ARAP2: variants seen among roughly 807,000 people sequenced by gnomAD.
ARAP2 encodes ArfGAP with RhoGAP domain, ankyrin repeat and PH domain 2.
ARAP2 carries 148 observed loss-of-function variants against 194.5 expected under a neutral mutation model. The ratio of observed to expected loss-of-function variants is 0.76; its 90% CI spans 0.67 to 0.87. The LOEUF (loss-of-function observed/expected upper bound fraction) is 0.87. Among genes scored for constraint, ARAP2 ranks in the 40% least tolerant of loss-of-function variants. ARAP2 has a pLI of 0.00. For missense variants in ARAP2, 2,128 were observed against 1,989.7 expected (o/e 1.07, Z -1.32); for synonymous variants, 695 against 683.5 (o/e 1.02, Z -0.26).
chr4:36,044,492 A>G (rs1721478604), intron 5 of ARAP2, among the ~76,000 whole-genome samples: 1 of 152,172 alleles, frequency 6.6e-6, no homozygotes, highest in Non-Finnish European at 1.5e-5. Flanking sequence ...TGCTGGTGAT[A>G]ATTGGCTATT....
intron 3 of ARAP2, among the ~76,000 whole-genome samples, chr4:36,051,249 C>T (rs1052063635): frequency 4.6e-5 from 7 of 152,082 alleles, no homozygotes; most frequent in Non-Finnish European, 7.4e-5. Context: ...AGCCTCTAAT[C>T]CCAGCACTTT....
At chr4:36,200,017 A>T (rs1476292647) in intron 6 of ARAP2, among the ~76,000 whole-genome samples, 1 of 50,132 alleles carries the variant, frequency 2.0e-5, no homozygotes, top group Admixed American at 2.9e-4. Flanking sequence ...AAATATGGTT[A>T]TTTAAAATGT....
Position 36,159,369 on chromosome 4 carries a change from C to G in ARAP2, c.2579G>C (p.Ser860Thr), listed in dbSNP as rs182690314. ...ATGGTAGAGAAATTCCATTTGCAGA[C>G]TTTGCCCAGCTTTCTTGGCTAGCAG... ...PYLLAKKAGQSLQMEFLYHNK... is the reference protein window; with the variant it reads ...PYLLAKKAGQTLQMEFLYHNK... Residue 860 changes from serine to threonine, a missense_variant, in exon 14 of 33, where the codon AGT (serine) becomes ACT (threonine). Coordinates refer to ENST00000303965, the MANE Select transcript of ARAP2 (RefSeq NM_015230.4). 3.7e-6 allele frequency: 6 copies of G among 1,608,814 alleles called. No homozygotes were observed. The highest frequency in any genetic ancestry group is 5.1e-6 in the Non-Finnish European group (6 of 1,176,988).
At chr4:36,209,057 T>A (rs1196350842) in intron 6 of ARAP2, among the ~76,000 whole-genome samples, 2 of 152,120 alleles carry the variant, frequency 1.3e-5, no homozygotes, top group East Asian at 3.9e-4. Context: ...AGACCAACCC[T>A]GTAAAGAGCA....
At chr4:36,161,964 C>T (rs758413557) in intron 11 of ARAP2, among the ~76,000 whole-genome samples, 4 of 151,846 alleles carry the variant, frequency 2.6e-5, no homozygotes, top group Admixed American at 6.6e-5. Flanking sequence ...AAAAATTAGC[C>T]GGGCGAGGTG....
chr4:36,013,007 C>G (rs1438636374), intron 8 of ARAP2, among the ~76,000 whole-genome samples: 3 of 152,074 alleles, frequency 2.0e-5, no homozygotes, highest in African/African-American at 7.2e-5. Flanking sequence ...TTTGAAGCAA[C>G]AAAATATAGA....
intron 26 of ARAP2, among the ~76,000 whole-genome samples, chr4:36,108,247 T>G (rs2109470416): frequency 6.6e-6 from 1 of 152,094 alleles, no homozygotes; most frequent in Admixed American, 6.6e-5. Context: ...GGAAACCTTC[T>G]TATTTTTATA....
At position 36,152,783 on chromosome 4, in the gene ARAP2, A is replaced by G. The variant is rs1372037799; in HGVS notation, c.2753-1739T>C. On this transcript the variant is annotated intron_variant, in intron 15 of 32. Transcript: ENST00000303965. ...TTCAGAGCTACAATCCTTCCATAAT[A>G]TCAGGAAAGAACAGTATGAGGGAAG... is the stretch of plus-strand genomic sequence containing the variant. Among the ~76,000 whole-genome samples the G allele has an allele frequency of 2.6e-5, 4 of 152,352 alleles. No individual in the cohort carries two copies. The South Asian group carries it at 6.2e-4, about 24-fold the overall frequency.
rs141598278 is a variant in ARAP2, at chr4:36,142,661, T to G, written c.3263+4635A>C. ...TTTGAGACACCCTCTTCCTGGGCTT[T>G]GTAACACTTTGTACTCTCTCTTAGT... On this transcript the variant is annotated intron_variant, in intron 19 of 32. Coordinates refer to ENST00000303965, the MANE Select transcript of ARAP2 (RefSeq NM_015230.4). Among the ~76,000 whole-genome samples the G allele has an allele frequency of 4.8e-3, 730 of 151,686 alleles. 7 individuals carry two copies. Among genetic ancestry groups the G allele is most frequent in the Middle Eastern group, 0.014 (4 of 294 alleles).
chr4:36,135,239 G>A (rs923517454), intron 19 of ARAP2, among the ~76,000 whole-genome samples: 20 of 151,712 alleles, frequency 1.3e-4, no homozygotes, highest in African/African-American at 4.6e-4. Context: ...CTGGGGCTTT[G>A]GGGGCCAGGT....
At chr4:36,079,535 T>C (rs549667935) in intron 31 of ARAP2, among the ~76,000 whole-genome samples, 1 of 152,224 alleles carries the variant, frequency 6.6e-6, no homozygotes. Flanking sequence ...CTAGACAAGG[T>C]TGGGAAACAA....
At chr4:36,114,375 T>C in intron 25 of ARAP2, 88 bp from the exon 26 acceptor site, 1 of 776,588 alleles carries the variant, frequency 1.3e-6, no homozygotes, top group South Asian at 1.8e-5. Context: ...ATCCACCATT[T>C]AATGATATCT....
At position 36,202,133 on chromosome 4, in the gene ARAP2, G is replaced by A. The variant is rs1399417872; in HGVS notation, c.1487+8257C>T. ...TGTTATTCCCTCCTCTAACCCTAAC[G>A]AGACCCAATATTTTCTAGGACTACA... is the stretch of plus-strand genomic sequence containing the variant. On this transcript the variant is annotated intron_variant, in intron 6 of 32. Coordinates refer to ENST00000303965, the MANE Select transcript of ARAP2 (RefSeq NM_015230.4). Among the ~76,000 whole-genome samples the A allele has an allele frequency of 6.6e-5, 10 of 151,928 alleles. No individual in the cohort carries two copies. In the East Asian group the frequency reaches 9.6e-4, roughly 15 times the overall value.
chr4:36,124,444 A>G (rs1340048306), intron 22 of ARAP2, among the ~76,000 whole-genome samples: 1 of 151,822 alleles, frequency 6.6e-6, no homozygotes, highest in African/African-American at 2.4e-5. Flanking sequence ...TTGACATACA[A>G]AATTGTTTTT....
chr4:36,134,198 A>G, intron 19 of ARAP2, among the ~76,000 whole-genome samples: 1 of 151,814 alleles, frequency 6.6e-6, no homozygotes, highest in East Asian at 1.9e-4. Flanking sequence ...AACATTAATG[A>G]CTAATGTATA....
At chr4:36,209,533 C>T in intron 6 of ARAP2, 1 of 319,438 alleles carries the variant, frequency 3.1e-6, no homozygotes. Context: ...GATGCTGCTT[C>T]TGGTAGTTTT....
Position 36,212,427 on chromosome 4 carries a change from T to G in ARAP2, c.1102A>C (p.Thr368Pro). The G allele has an allele frequency of 6.2e-7, 1 of 1,612,446 alleles. No homozygotes were observed. The highest frequency in any genetic ancestry group is 1.1e-5 in the South Asian group (1 of 90,984). The change falls in exon 5 of 33, where the codon ACT becomes CCT. Residue 368 changes from threonine to proline, a missense_variant. Thr to Pro is a conservative substitution (Grantham distance 38, BLOSUM62 -1). Transcript: ENST00000303965. The stretch of plus-strand genomic sequence containing the variant: ...TTGATGATAAAAGAGTTTGTTGCAG[T>G]AGCTGCTTCCCCTTTGAGTGCTTCT... ...QGEALKGEAATATNSFIIKSS... is the reference protein window; with the variant it reads ...QGEALKGEAAPATNSFIIKSS...
At chr4:36,193,187 G>A (rs558868167) in intron 7 of ARAP2, among the ~76,000 whole-genome samples, 2 of 152,180 alleles carry the variant, frequency 1.3e-5, no homozygotes, top group African/African-American at 2.4e-5. Flanking sequence ...TGCAGTATGT[G>A]TTACTGTCTA....
At chr4:36,228,123 A>G (rs1750719590) in intron 2 of ARAP2, among the ~76,000 whole-genome samples, 1 of 152,194 alleles carries the variant, frequency 6.6e-6, no homozygotes, top group Admixed American at 6.5e-5. Flanking sequence ...GTGACTAAAG[A>G]CCAAGTTCAA....
Sources: gnomAD v4.1 joint callset for allele counts (sites outside exome capture counted in the v4.1 genomes callset) on GRCh38, gnomAD v4.1.1 for gene constraint, MANE v1.5 for transcripts, NCBI Gene and HGNC (gene_info 2026-07-23, HGNC 2026-07-21) for gene names.